Variants in CDC7 observed in about 807,000 individuals in gnomAD.
The protein encoded by CDC7 is cell division cycle 7-related protein kinase.
Under a neutral mutation model 53.5 loss-of-function variants are expected in CDC7, and 34 were observed. The observed-to-expected ratio is 0.64, with a 90% CI of 0.48 to 0.85. CDC7 has a LOEUF of 0.85. CDC7 is among the 40% of genes least tolerant of loss of function. The pLI, the probability that CDC7 is intolerant of heterozygous loss-of-function variation, is 0.00. For synonymous variants in CDC7, 211 were observed against 222.8 expected, an observed-to-expected ratio of 0.95 and a Z score of 0.47; for missense variants, 594 against 679.7, an observed-to-expected ratio of 0.87 and a Z score of 1.40.
In CDC7 at chr1:91,508,122, A is replaced by T. The variant is rs547625129; in HGVS notation, c.200-140A>T. On this transcript the variant is annotated intron_variant, in intron 3 of 11. Transcript: ENST00000234626. ...CTTTTTCAACCTTAAAGAAAGAATAAATAATAAATATTTACTGTAAAATGA... is the reference window on the plus strand; with the variant it reads ...CTTTTTCAACCTTAAAGAAAGAATATATAATAAATATTTACTGTAAAATGA... 11 of 754,574 alleles carry T rather than the reference A, an allele frequency of 1.5e-5. No individual in the cohort carries two copies. In the African/African-American group the frequency reaches 2.0e-4, roughly 14 times the overall value. The allele number at this position is 754,574 out of a possible 1,614,324, so 46.7% of individuals were successfully genotyped here.
rs1031485593 is a variant in CDC7 at position 91,524,670 on chromosome 1, T to C, written c.*235T>C. 10 of 427,402 alleles carry C rather than the reference T, an allele frequency of 2.3e-5. No individual in the cohort carries two copies. Among genetic ancestry groups the C allele is most frequent in the African/African-American group, 6.1e-5 (3 of 49,342 alleles). The allele number at this position is 427,402 out of a possible 1,614,324, so 26.5% of individuals were successfully genotyped here. A position where few individuals can be genotyped will look rare whatever the true frequency, so the allele number is the denominator to read the frequency against. On this transcript the variant is annotated 3_prime_UTR_variant, in exon 12 of 12. Coordinates refer to ENST00000234626, the MANE Select transcript of CDC7 (RefSeq NM_003503.4). ...TAAACCTACCTAAGTAGATTTTAGG[T>C]GGGTTCCTATTAGGTCAGATTTTTA... is the stretch of plus-strand genomic sequence containing the variant.
chr1:91,524,208 C>T lies in CDC7; in HGVS notation c.1498C>T (p.Leu500Phe). 6.2e-7 allele frequency: 1 copy of T among 1,613,998 alleles called. No individual in the cohort carries two copies. Residue 500 changes from leucine (L) to phenylalanine (F), a missense_variant, in exon 12 of 12, where the codon CTC becomes TTC. Physicochemically the swap from Leu to Phe is conservative, Grantham distance 22 (BLOSUM62 0). Transcript: ENST00000234626. ...SEKTDHKASC[L>F]VQTPPGQYSG... is the part of the protein sequence containing the mutation. ...GAAGACTGACCATAAAGCTTCTTGC[C>T]TCGTTCAAACACCTCCAGGACAATA...
intron 10 of CDC7, among the ~76,000 whole-genome samples, chr1:91,517,210 G>A (rs1667605530): frequency 6.6e-6 from 1 of 152,234 alleles, no homozygotes; most frequent in Non-Finnish European, 1.5e-5. Context: ...AGTGAAAAAA[G>A]TGACAATGGT....
At position 91,507,889 on chromosome 1, in the gene CDC7, G is replaced by A; in HGVS notation, c.151G>A (p.Val51Ile). 1 of 1,484,984 alleles carries A rather than the reference G, an allele frequency of 6.7e-7. No individual in the cohort carries two copies. Among genetic ancestry groups the A allele is most frequent in the Non-Finnish European group, 9.3e-7 (1 of 1,080,150 alleles). The allele number at this position is 1,484,984 out of a possible 1,614,324, so 92.0% of individuals were successfully genotyped here. A position where few individuals can be genotyped will look rare whatever the true frequency, so the allele number is the denominator to read the frequency against. Reference sequence around the variant, plus strand: ...AGATATTGAGAAGCTTTATGAAGCTGTACCACAGCTTAGTAATGTGTTTAA... The same window carrying A: ...AGATATTGAGAAGCTTTATGAAGCTATACCACAGCTTAGTAATGTGTTTAA... ...KKDIEKLYEA[V>I]PQLSNVFKIE... Residue 51 changes from valine (V) to isoleucine (I), a missense_variant, in exon 3 of 12, where the codon GTA becomes ATA. Physicochemically the swap from Val to Ile is conservative, Grantham distance 29. Coordinates refer to ENST00000234626, the MANE Select transcript of CDC7 (RefSeq NM_003503.4).
intron 4 of CDC7, among the ~76,000 whole-genome samples, chr1:91,509,333 A>T (rs1667145349): frequency 1.3e-5 from 2 of 151,510 alleles, no homozygotes; most frequent in South Asian, 2.1e-4. Flanking sequence ...CCTGATAAAT[A>T]TCTCAAACCT....
intron 4 of CDC7, among the ~76,000 whole-genome samples, chr1:91,509,354 C>A (rs476801): frequency 0.98 from 146,207 of 148,452 alleles, 72,035 homozygotes; most frequent in East Asian, 1. Flanking sequence ...AAAAGACAAA[C>A]CTAAACCTTA....
At chr1:91,509,720 C>T (rs1298723823) in intron 4 of CDC7, among the ~76,000 whole-genome samples, 1 of 152,062 alleles carries the variant, frequency 6.6e-6, no homozygotes, top group Non-Finnish European at 1.5e-5. Context: ...TTAGTTCCAC[C>T]ACTTAAAATC....
rs747749286 is a variant in CDC7, at chr1:91,508,367, C to G, written c.305C>G (p.Ala102Gly). 9.3e-6 allele frequency: 15 copies of G among 1,612,134 alleles called. No individual in the cohort carries two copies. The highest frequency in any genetic ancestry group is 1.3e-5 in the Non-Finnish European group (15 of 1,178,884). Residue 102 changes from alanine (A) to glycine (G), a missense_variant, in exon 4 of 12, where the codon GCA (alanine) becomes GGA (glycine). Transcript: ENST00000234626. ...LIPTSHPIRI[A>G]AELQCLTVAG... Reference sequence around the variant, plus strand: ...CCAACAAGTCATCCTATAAGAATTGCAGCTGAACTTCAGTGCCTAACAGTG... The same window carrying G: ...CCAACAAGTCATCCTATAAGAATTGGAGCTGAACTTCAGTGCCTAACAGTG...
rs764637291 is a variant in CDC7, at chr1:91,511,579, T to C, written c.336-18T>C. 1.3e-6 allele frequency: 2 copies of C among 1,499,242 alleles called. No individual in the cohort carries two copies. The highest frequency in any genetic ancestry group is 1.2e-5 in the South Asian group (1 of 83,548). The allele number at this position is 1,499,242 out of a possible 1,614,324, so 92.9% of individuals were successfully genotyped here. On this transcript the variant is annotated intron_variant, in intron 4 of 11. Transcript: ENST00000234626. ...TCTGACCTTTCTTCTAAAAGTTCCT[T>C]GTGCATTTTTCCACTAGGGGGCAAG...
At chr1:91,503,156 C>G (rs1484557911) in intron 2 of CDC7, among the ~76,000 whole-genome samples, 12 of 152,150 alleles carry the variant, frequency 7.9e-5, no homozygotes, top group Non-Finnish European at 1.8e-4. Context: ...GAGAATGCCA[C>G]TATTCTAATA....
chr1:91,522,958 G>A (rs889561547), intron 11 of CDC7, among the ~76,000 whole-genome samples: 9 of 152,152 alleles, frequency 5.9e-5, no homozygotes, highest in East Asian at 3.9e-4. Flanking sequence ...TTGTTGTTTC[G>A]TACATTTAGT....
At chr1:91,514,460 A>G (rs530560092) in intron 8 of CDC7, among the ~76,000 whole-genome samples, 2 of 152,248 alleles carry the variant, frequency 1.3e-5, no homozygotes, top group Non-Finnish European at 2.9e-5. Context: ...CAGCATGAGC[A>G]ACAAATTAAA....
At chr1:91,510,611 A>ATGTTGCAAGCCGACTGGCTAC in intron 4 of CDC7, among the ~76,000 whole-genome samples, 1 of 152,174 alleles carries the variant, frequency 6.6e-6, no homozygotes, top group South Asian at 2.1e-4. Flanking sequence ...TTCTTTTTCT[A>ATGTTGCAAGCCGACTGGCTAC]TATTTTTAAC....
Position 91,501,709 on chromosome 1 carries a change from G to C in CDC7, c.-8G>C, listed in dbSNP as rs775392385. 6.2e-7 allele frequency: 1 copy of C among 1,602,870 alleles called. No individual in the cohort carries two copies. Among genetic ancestry groups the C allele is most frequent in the Non-Finnish European group, 8.5e-7 (1 of 1,170,012 alleles). Reference sequence around the variant, plus strand: ...TTAGCTGGCATTTTGCATCTCAATTGGCTTGTGATGGAGGCGTCTTTGGGG... The same window carrying C: ...TTAGCTGGCATTTTGCATCTCAATTCGCTTGTGATGGAGGCGTCTTTGGGG... On this transcript the variant is annotated 5_prime_UTR_variant, in exon 2 of 12. Coordinates refer to ENST00000234626, the MANE Select transcript of CDC7 (RefSeq NM_003503.4).
At chr1:91,520,317 T>C (rs1273758065) in intron 11 of CDC7, 38 bp downstream of exon 11, 3 of 1,446,994 alleles carry the variant, frequency 2.1e-6, no homozygotes, top group Non-Finnish European at 2.8e-6. Context: ...ACAAAATGCC[T>C]TTGATTATCT....
chr1:91,504,025 C>T (rs1252651681), intron 2 of CDC7, among the ~76,000 whole-genome samples: 1 of 151,158 alleles, frequency 6.6e-6, no homozygotes, highest in Non-Finnish European at 1.5e-5. Flanking sequence ...CTATTTTTTC[C>T]TATTAAGAAA....
intron 9 of CDC7, among the ~76,000 whole-genome samples, chr1:91,515,201 A>G (rs996388091): frequency 1.1e-4 from 17 of 152,208 alleles, no homozygotes; most frequent in African/African-American, 3.9e-4. Context: ...TACTCTGGAA[A>G]ACACATTTGC....
intron 2 of CDC7, among the ~76,000 whole-genome samples, chr1:91,506,299 C>T (rs543219398): frequency 6.6e-6 from 1 of 152,198 alleles, no homozygotes; most frequent in South Asian, 2.1e-4. Flanking sequence ...CGCCCCAGGC[C>T]ACATTGTATT....
rs1571345828 is a variant in CDC7, at chr1:91,524,593, C to T, written c.*158C>T. ...CATTCTAAAATATAGATTAAGAATACTTAAAATGCCTGGGATAGTTCTTGG... is the reference window on the plus strand; with the variant it reads ...CATTCTAAAATATAGATTAAGAATATTTAAAATGCCTGGGATAGTTCTTGG... On this transcript the variant is annotated 3_prime_UTR_variant, in exon 12 of 12. Transcript: ENST00000234626. 1 of 602,058 alleles carries T rather than the reference C, an allele frequency of 1.7e-6. No individual in the cohort carries two copies. The highest frequency in any genetic ancestry group is 2.8e-6 in the Non-Finnish European group (1 of 353,876). The allele number at this position is 602,058 out of a possible 1,614,324, so 37.3% of individuals were successfully genotyped here.
Sources: allele counts gnomAD v4.1 joint callset (sites outside exome capture counted in the v4.1 genomes callset), GRCh38; gene constraint gnomAD v4.1.1; transcripts MANE v1.5; gene names NCBI Gene and HGNC (gene_info 2026-07-23, HGNC 2026-07-21).